The following MBD6 variants were observed in gnomAD, a reference collection of about 807,000 sequenced individuals.
MBD6 encodes methyl-CpG-binding domain protein 6.
Under a neutral mutation model 66.8 loss-of-function variants are expected in MBD6, and 22 were observed. That is an observed-to-expected ratio of 0.33 (90% confidence interval 0.24 to 0.47). MBD6 has a LOEUF of 0.47. Among genes scored for constraint, MBD6 ranks in the 20% least tolerant of loss-of-function variants. The pLI is 1.00. For synonymous variants in MBD6, 540 were observed against 534.6 expected (o/e 1.01, Z -0.14); for missense variants, 1,322 against 1,286.9 (o/e 1.03, Z -0.42).
At chr12:57,523,314 G>C (rs1369086624) in intron 1 of MBD6, 1 of 152,172 alleles carries the variant, frequency 6.6e-6, no homozygotes, top group East Asian at 1.9e-4. Context: ...GAGAGGGAAA[G>C]TTTGGAAGCC....
At position 57,524,333 on chromosome 12, in the gene MBD6, A is replaced by C. The variant is rs1318973054; in HGVS notation, c.30A>C (p.Ala10=). MNGGNESSG[A]DRAGGPVATS... ...ATGGGGGCAATGAGAGCAGTGGAGC[A>C]GACAGAGCTGGGGGCCCTGTGGCCA... Residue 10 remains alanine (A), a synonymous_variant, in exon 3 of 13, where the codon GCA becomes GCC. Coordinates refer to ENST00000355673, the MANE Select transcript of MBD6 (RefSeq NM_052897.4). 1 of 1,584,560 alleles carries C rather than the reference A, an allele frequency of 6.3e-7. No individual in the cohort carries two copies. The highest frequency in any genetic ancestry group is 1.4e-5 in the African/African-American group (1 of 73,486).
rs1178823332 is a variant in MBD6 at position 57,528,713 on chromosome 12, A to G, written c.2868A>G (p.Lys956=). 1 of 1,614,162 alleles carries G rather than the reference A, an allele frequency of 6.2e-7. No homozygotes were observed. The highest frequency in any genetic ancestry group is 8.5e-7 in the Non-Finnish European group (1 of 1,180,030). The change falls in exon 11 of 13, where the codon AAA becomes AAG. Residue 956 remains lysine, a synonymous_variant. Coordinates refer to ENST00000355673, the MANE Select transcript of MBD6 (RefSeq NM_052897.4). The part of the protein sequence containing the change: ...VRKSRRGRRR[K]YNPTRNSNSS... ...AGTCTCGTCGTGGCCGTAGGAGAAA[A>G]TACAAGTGAGTGTTGGGCCTACTAT...
chr12:57,528,880 C>G, intron 11 of MBD6, 66 bp from the exon 12 acceptor site: 1 of 1,612,326 alleles, frequency 6.2e-7, no homozygotes. Flanking sequence ...AAGTTTCCCA[C>G]CCAAACTTCT....
In MBD6 at chr12:57,526,055, C is replaced by A; in HGVS notation, c.1087C>A (p.Gln363Lys). The A allele has an allele frequency of 6.2e-7, 1 of 1,614,088 alleles. No individual in the cohort carries two copies. Among genetic ancestry groups the A allele is most frequent in the Non-Finnish European group, 8.5e-7 (1 of 1,179,982 alleles). The part of the protein sequence containing the change: ...ASHSSSLRPS[Q>K]RRPRRPPTVF... ...CCACTCCTCATCACTTCGTCCCTCTCAGCGTCGTCCCCGCAGACCCCCTAC... is the reference window on the plus strand; with the variant it reads ...CCACTCCTCATCACTTCGTCCCTCTAAGCGTCGTCCCCGCAGACCCCCTAC... Residue 363 changes from glutamine to lysine, a missense_variant, in exon 6 of 13, where the codon CAG (glutamine) becomes AAG (lysine). By Grantham distance (53) the Gln-to-Lys change is moderately conservative (BLOSUM62 1). Coordinates refer to ENST00000355673, the MANE Select transcript of MBD6 (RefSeq NM_052897.4).
rs1879124677 is a variant in MBD6 at position 57,527,778 on chromosome 12, G to T, written c.2237-70G>T. 5 of 1,577,186 alleles carry T rather than the reference G, an allele frequency of 3.2e-6. No individual in the cohort carries two copies. In the Admixed American group the frequency reaches 7.6e-5, roughly 24 times the overall value. On this transcript the variant is annotated intron_variant, in intron 8 of 12. Transcript: ENST00000355673. ...CTTTGGCCACTGGATAAAGCCTAAA[G>T]AGAATAGTAGGTCTGCTCAGCCTAA... is the stretch of plus-strand genomic sequence containing the variant.
Position 57,526,122 on chromosome 12 carries a change from G to A in MBD6, c.1154G>A (p.Arg385Lys). The A allele has an allele frequency of 6.2e-7, 1 of 1,613,908 alleles. No homozygotes were observed. The highest frequency in any genetic ancestry group is 8.5e-7 in the Non-Finnish European group (1 of 1,179,974). Reference sequence around the variant, plus strand: ...GAAGGGAGAGGCCCTCAAACCCCTAGACGGAGCCGTCCTCGGGCCCCTGCT... The same window carrying A: ...GAAGGGAGAGGCCCTCAAACCCCTAAACGGAGCCGTCCTCGGGCCCCTGCT... ...LLEGRGPQTP[R>K]RSRPRAPAPV... Residue 385 changes from arginine to lysine, a missense_variant, in exon 6 of 13, where the codon AGA becomes AAA. Physicochemically the swap from Arg to Lys is conservative, Grantham distance 26 (BLOSUM62 2). Transcript: ENST00000355673.
In MBD6 at chr12:57,524,415, A is replaced by T; in HGVS notation, c.112A>T (p.Ser38Cys). 6.3e-7 allele frequency: 1 copy of T among 1,577,208 alleles called. No homozygotes were observed. The highest frequency in any genetic ancestry group is 8.6e-7 in the Non-Finnish European group (1 of 1,163,136). Residue 38 changes from serine to cysteine, a missense_variant and splice_region_variant, in exon 3 of 13, where the codon AGT becomes TGT. Ser to Cys is a moderately radical substitution (Grantham distance 112, BLOSUM62 -1). Transcript: ENST00000355673. ...GCGAGAGGGTGCTGTGCTCTACATC[A>T]GGTACGGATCTTCACAGGTCCCCAA... ...CVREGAVLYI[S>C]PSGTELSSLE...
intron 9 of MBD6, 41 bp downstream of exon 9, chr12:57,528,058 TC>T (rs761301768): frequency 6.5e-7 from 1 of 1,528,216 alleles, no homozygotes; most frequent in Admixed American, 2.2e-5. Flanking sequence ...GATAATTTTT[TC>T]TCAAACTGGA....
In MBD6 at chr12:57,527,844, A is replaced by G. The variant is rs755112617; in HGVS notation, c.2237-4A>G. On this transcript the variant is annotated splice_region_variant and splice_polypyrimidine_tract_variant and intron_variant, in intron 8 of 12. Transcript: ENST00000355673. The stretch of plus-strand genomic sequence containing the variant: ...AGAGACCCCTGACTATAATTTCTCA[A>G]CAGGTGACCTGTCTTCACTGACCAG... 10 of 1,613,002 alleles carry G rather than the reference A, an allele frequency of 6.2e-6. No homozygotes were observed. Among genetic ancestry groups the G allele is most frequent in the Non-Finnish European group, 8.5e-6 (10 of 1,179,878 alleles).
downstream of MBD6, chr12:57,530,490 CTGA>C (rs1204428600): frequency 1.6e-5 from 8 of 515,050 alleles, no homozygotes; most frequent in Non-Finnish European, 2.4e-5. Flanking sequence ...AGACCACCTT[CTGA>C]TGATAACCAA....
intron 7 of MBD6, 66 bp from the exon 8 acceptor site, chr12:57,527,441 T>C (rs1594863871): frequency 1.9e-6 from 3 of 1,557,684 alleles, no homozygotes; most frequent in East Asian, 4.5e-5. Flanking sequence ...ATAGTGGATG[T>C]GAAAGCACTA....
upstream of MBD6, chr12:57,522,737 TGCGGCGGCGGCTGCGGCAGCGACG>T (rs1242192145): frequency 1.5e-4 from 24 of 155,612 alleles, no homozygotes; most frequent in African/African-American, 4.0e-4. Context: ...CGGCGGCTCC[TGCGGCGGCGGCTGCGGCAGCGACG>T]GCGGCGGCGG....
At chr12:57,523,486 C>T (rs956835354) in intron 1 of MBD6, 3 of 152,230 alleles carry the variant, frequency 2.0e-5, no homozygotes, top group African/African-American at 4.8e-5. Flanking sequence ...AAATCAGGAG[C>T]TTCCCAGGAT....
upstream of MBD6, among the ~76,000 whole-genome samples, chr12:57,522,214 C>T (rs1165589683): frequency 6.6e-6 from 1 of 152,190 alleles, no homozygotes; most frequent in Middle Eastern, 3.2e-3. Flanking sequence ...CCTCCATTTC[C>T]TCTCTGAAAA....
At position 57,529,329 on chromosome 12, in the gene MBD6, G is replaced by A; in HGVS notation, c.*95G>A. 7.9e-7 allele frequency: 1 copy of A among 1,267,296 alleles called. No individual in the cohort carries two copies. The highest frequency in any genetic ancestry group is 1.2e-5 in the South Asian group (1 of 80,638). The allele number at this position is 1,267,296 out of a possible 1,614,324, so 78.5% of individuals were successfully genotyped here. ...CAGCCACCTGCACCTGTGGACAGTG[G>A]GTGGGGGCACTACTCCCCACTCAGA... On this transcript the variant is annotated 3_prime_UTR_variant, in exon 13 of 13. Coordinates refer to ENST00000355673, the MANE Select transcript of MBD6 (RefSeq NM_052897.4).
Position 57,529,575 on chromosome 12 carries a change from A to C in MBD6, c.*341A>C. On this transcript the variant is annotated 3_prime_UTR_variant, in exon 13 of 13. Transcript: ENST00000355673. ...TTATTTTTGCACAAATGACTCTTTTATATTTAATTCGATTTCATTGCCTCC... is the reference window on the plus strand; with the variant it reads ...TTATTTTTGCACAAATGACTCTTTTCTATTTAATTCGATTTCATTGCCTCC... 4.4e-6 allele frequency: 1 copy of C among 228,568 alleles called. No homozygotes were observed. Among genetic ancestry groups the C allele is most frequent in the East Asian group, 9.1e-5 (1 of 11,004 alleles). The allele number at this position is 228,568 out of a possible 1,614,324, so 14.2% of individuals were successfully genotyped here.
chr12:57,528,371 C>T lies in MBD6; in HGVS notation c.2631C>T (p.Gly877=). The T allele has an allele frequency of 6.2e-7, 1 of 1,612,530 alleles. No homozygotes were observed. Among genetic ancestry groups the T allele is most frequent in the Non-Finnish European group, 8.5e-7 (1 of 1,179,760 alleles). ...ATGGTGAGGCCAGGCCAGCCCGGGGCCGAAAGCCTGGCAGCCGGCGGGAGC... is the reference window on the plus strand; with the variant it reads ...ATGGTGAGGCCAGGCCAGCCCGGGGTCGAAAGCCTGGCAGCCGGCGGGAGC... ...GINGEARPAR[G]RKPGSRREPG... The change falls in exon 10 of 13, where the codon GGC becomes GGT. Residue 877 remains glycine, a synonymous_variant. Transcript: ENST00000355673.
upstream of MBD6, chr12:57,522,781 C>CA (rs1345905130): frequency 6.3e-6 from 1 of 159,102 alleles, no homozygotes; most frequent in African/African-American, 2.4e-5. Flanking sequence ...GCAGCGGCAG[C>CA]AGCCTGCGCA....
intron 10 of MBD6, 30 bp from the exon 11 acceptor site, chr12:57,528,636 T>C (rs771465495): frequency 6.2e-7 from 1 of 1,613,834 alleles, no homozygotes; most frequent in South Asian, 1.1e-5. Context: ...TTTTCGAAAT[T>C]TCCCACACAC....
Sources: allele counts gnomAD v4.1 joint callset (sites outside exome capture counted in the v4.1 genomes callset), GRCh38; gene constraint gnomAD v4.1.1; transcripts MANE v1.5; gene names NCBI Gene and HGNC (gene_info 2026-07-23, HGNC 2026-07-21).